The following TCF7 variants were observed in gnomAD, a reference collection of about 807,000 sequenced individuals.
TCF7 encodes the protein transcription factor 7, also known as T-cell-factor-7.
In TCF7, 19 loss-of-function variants were observed where a neutral mutation model predicts 46.8. That is an observed-to-expected ratio of 0.41 (90% CI 0.28 to 0.60). The LOEUF is 0.60. TCF7 is among the 20% of genes least tolerant of loss of function. The pLI is 0.35. For missense variants in TCF7, 547 were observed against 504.6 expected (o/e 1.08, Z -0.81); for synonymous variants, 245 against 213.4 (o/e 1.15, Z -1.29).
intron 9 of TCF7, chr5:134,145,835 G>A (rs1426396841): frequency 3.1e-6 from 5 of 1,612,056 alleles, no homozygotes; most frequent in South Asian, 1.1e-5. Context: ...TGGGATGGCT[G>A]GGCAAGGAAG....
chr5:134,142,357 C>T (rs1258969756), intron 6 of TCF7, 53 bp downstream of exon 6: 1 of 1,528,114 alleles, frequency 6.5e-7, no homozygotes. Flanking sequence ...ATACACATGC[C>T]TCCCCACCAG....
chr5:134,124,282 C>T (rs969222918), intron 3 of TCF7, among the ~76,000 whole-genome samples: 3 of 152,176 alleles, frequency 2.0e-5, no homozygotes, highest in African/African-American at 7.2e-5. Context: ...GGGGTCTGGA[C>T]CTGGGAAACC....
At chr5:134,115,616 TC>T (rs1755699620) in intron 2 of TCF7, 1 of 1,429,358 alleles carries the variant, frequency 7.0e-7, no homozygotes, top group African/African-American at 1.5e-5. Flanking sequence ...CATCCCCGCC[TC>T]CCCTCCTGCC....
At chr5:134,134,430 G>T (rs1758574667) in intron 3 of TCF7, among the ~76,000 whole-genome samples, 1 of 152,234 alleles carries the variant, frequency 6.6e-6, no homozygotes, top group African/African-American at 2.4e-5. Flanking sequence ...AATGCTTTCT[G>T]GCAGGATCCA....
chr5:134,127,946 A>C (rs924305582), intron 3 of TCF7, among the ~76,000 whole-genome samples: 30 of 152,344 alleles, frequency 2.0e-4, no homozygotes, highest in African/African-American at 7.0e-4. Flanking sequence ...TAAGAAAAAA[A>C]CCACAAATAT....
chr5:134,139,771 CTT>C (rs1759455088), intron 5 of TCF7: 1 of 152,366 alleles, frequency 6.6e-6, no homozygotes, highest in African/African-American at 2.4e-5. Flanking sequence ...AGCAGGAAAA[CTT>C]GGCTCCCCAA....
chr5:134,127,608 G>A (rs576159637), intron 3 of TCF7, among the ~76,000 whole-genome samples: 1 of 152,344 alleles, frequency 6.6e-6, no homozygotes, highest in East Asian at 1.9e-4. Context: ...GGGAGTCTCA[G>A]GGTATGGGTG....
chr5:134,136,699 C>T (rs1009217770), intron 3 of TCF7, among the ~76,000 whole-genome samples: 2 of 152,184 alleles, frequency 1.3e-5, no homozygotes, highest in Non-Finnish European at 2.9e-5. Flanking sequence ...AGCCACCCTT[C>T]TCCAGGCCTG....
chr5:134,141,818 A>C, intron 5 of TCF7: 3 of 173,658 alleles, frequency 1.7e-5, no homozygotes, highest in Non-Finnish European at 1.2e-5. Flanking sequence ...TACTCTGGCT[A>C]TTGTGTGGAG....
At chr5:134,124,939 A>T (rs1428022946) in intron 3 of TCF7, among the ~76,000 whole-genome samples, 1 of 152,124 alleles carries the variant, frequency 6.6e-6, no homozygotes, top group Admixed American at 6.5e-5. Flanking sequence ...GAGGGCAGGG[A>T]GCTGTGATGG....
intron 3 of TCF7, among the ~76,000 whole-genome samples, chr5:134,135,962 A>G (rs1378825087): frequency 2.0e-5 from 3 of 152,226 alleles, no homozygotes; most frequent in Admixed American, 1.3e-4. Flanking sequence ...GTTGGATAAA[A>G]TGAAGACTGA....
intron 3 of TCF7, among the ~76,000 whole-genome samples, chr5:134,133,534 G>A (rs1039723119): frequency 3.9e-5 from 6 of 152,204 alleles, no homozygotes; most frequent in Admixed American, 1.3e-4. Context: ...AGGCCCTGGA[G>A]TGGGACGTTC....
intron 9 of TCF7, 110 bp from the exon 10 acceptor site, chr5:134,146,114 A>G: frequency 6.2e-7 from 1 of 1,607,958 alleles, no homozygotes; most frequent in Non-Finnish European, 8.5e-7. Flanking sequence ...AGTCCCAGGA[A>G]GAGAGGACAA....
At position 134,138,959 on chromosome 5, in the gene TCF7, C is replaced by A. The variant is rs780028603; in HGVS notation, c.556C>A (p.Pro186Thr). Residue 186 changes from proline to threonine, a missense_variant, in exon 5 of 10, where the codon CCT becomes ACT. Around this residue, in one of 3 missense-constraint regions of TCF7, gnomAD observed 425 missense variants for 349.9 expected, o/e 1.21. Transcript: ENST00000342854. ...GCTTCTCTCCTCTGCAGTTCACAGG[C>A]CTCTGCAGACCCCTGACCTCTCTGG... is the stretch of plus-strand genomic sequence containing the variant. ...ADISQKQVHR[P>T]LQTPDLSGFY... 7.3e-5 allele frequency: 118 copies of A among 1,613,828 alleles called. No homozygotes were observed. The Admixed American group carries it at 1.6e-3, about 22-fold the overall frequency.
In TCF7 at chr5:134,146,894, A is replaced by C. The variant is rs150036299; in HGVS notation, c.*591A>C. On this transcript the variant is annotated 3_prime_UTR_variant, in exon 10 of 10. Transcript: ENST00000342854. ...TCTCTACCCATCTCCCCCATCCCCC[A>C]CTGCCACACCCTCCCCATTCAGACA... 3.7e-6 allele frequency: 1 copy of C among 272,040 alleles called. No homozygotes were observed. Among genetic ancestry groups the C allele is most frequent in the South Asian group, 4.5e-5 (1 of 22,164 alleles). The allele number at this position is 272,040 out of a possible 1,614,324, so 16.9% of individuals were successfully genotyped here. A position where few individuals can be genotyped will look rare whatever the true frequency, so the allele number is the denominator to read the frequency against.
intron 6 of TCF7, 49 bp downstream of exon 6, chr5:134,142,353 A>G (rs1195171592): frequency 6.6e-7 from 1 of 1,510,516 alleles, no homozygotes. Context: ...CAGGATACAC[A>G]TGCCTCCCCA....
chr5:134,125,325 T>C (rs1757196229), intron 3 of TCF7, among the ~76,000 whole-genome samples: 1 of 152,228 alleles, frequency 6.6e-6, no homozygotes, highest in South Asian at 2.1e-4. Context: ...GACTTAAAAA[T>C]AGCTGCTCCC....
At chr5:134,137,439 A>G (rs529225381) in intron 3 of TCF7, among the ~76,000 whole-genome samples, 3 of 151,288 alleles carry the variant, frequency 2.0e-5, no homozygotes, top group Non-Finnish European at 4.4e-5. Context: ...AAAAAAAAAA[A>G]AAAAAAAACA....
Position 134,142,277 on chromosome 5 carries a change from A to C in TCF7, c.728A>C (p.Gln243Pro). 1.3e-6 allele frequency: 2 copies of C among 1,599,146 alleles called. No homozygotes were observed. The highest frequency in any genetic ancestry group is 1.7e-6 in the Non-Finnish European group (2 of 1,170,326). Residue 243 changes from glutamine (Q) to proline (P), a missense_variant, in exon 6 of 10, where the codon CAG becomes CCG. Around this residue, in one of 3 missense-constraint regions of TCF7, gnomAD observed 425 missense variants for 349.9 expected, o/e 1.21. Coordinates refer to ENST00000342854, the MANE Select transcript of TCF7 (RefSeq NM_003202.5). ...HPAIVPPSGK[Q>P]ELQPFDRNLK... ...GCCATTGTGCCCCCCTCAGGGAAGCAGGAGCTGCAGCCCTTCGACCGCAAC... is the reference window on the plus strand; with the variant it reads ...GCCATTGTGCCCCCCTCAGGGAAGCCGGAGCTGCAGCCCTTCGACCGCAAC...
Sources: gnomAD v4.1 joint callset for allele counts (sites outside exome capture counted in the v4.1 genomes callset) on GRCh38, gnomAD v4.1.1 for gene constraint, gnomAD v4.1.1 regional missense constraint, MANE v1.5 for transcripts, NCBI Gene and HGNC (gene_info 2026-07-23, HGNC 2026-07-21) for gene names.